Variants in FARS2 observed in about 807,000 individuals in gnomAD.
FARS2 encodes the protein phenylalanyl-tRNA synthetase 2, mitochondrial, also known as phenylalanine--tRNA ligase, mitochondrial.
A neutral mutation model predicts 46.4 loss-of-function variants in FARS2; 40 were observed. The ratio of observed to expected loss-of-function variants is 0.86; its 90% CI spans 0.67 to 1.12. FARS2 has a LOEUF of 1.12. Ranked by LOEUF, FARS2 falls within the 50% of genes most tolerant of loss-of-function variation. FARS2 has a pLI of 0.00. For missense variants in FARS2, 513 were observed against 567.9 expected, an observed-to-expected ratio of 0.90 and a Z score of 0.98; for synonymous variants, 234 against 214.9, an observed-to-expected ratio of 1.09 and a Z score of -0.78.
At position 5,758,596 on chromosome 6, in the gene FARS2, GCTT is replaced by G. The variant is rs368480363; in HGVS notation, c.1218-12694_1218-12692del. On this transcript the variant is annotated intron_variant, in intron 6 of 6. Transcript: ENST00000274680. ...GACCTCCTCAACCAACCTGTTTTGTGCTTGTCTTGCTGCCTTTACGCTCTGCAG... is the reference window on the plus strand; with the variant it reads ...GACCTCCTCAACCAACCTGTTTTGTGGTCTTGCTGCCTTTACGCTCTGCAG... Among the ~76,000 whole-genome samples the G allele has an allele frequency of 7.4e-4, 113 of 152,244 alleles. 2 individuals carry two copies. In the East Asian group the frequency reaches 0.014, roughly 20 times the overall value.
At chr6:5,643,142 A>C (rs1315864211) in intron 6 of FARS2, among the ~76,000 whole-genome samples, 3 of 152,252 alleles carry the variant, frequency 2.0e-5, no homozygotes, top group South Asian at 2.1e-4. Context: ...TTCTAAAAAA[A>C]TTCCTGTCTC....
chr6:5,605,308 T>TA (rs34142120), intron 5 of FARS2, among the ~76,000 whole-genome samples: 1 of 151,936 alleles, frequency 6.6e-6, no homozygotes, highest in Non-Finnish European at 1.5e-5. Flanking sequence ...GGCCAGAGCA[T>TA]TACTCTGCTT....
At chr6:5,646,513 A>G (rs1034189884) in intron 6 of FARS2, among the ~76,000 whole-genome samples, 1 of 152,076 alleles carries the variant, frequency 6.6e-6, no homozygotes, top group Non-Finnish European at 1.5e-5. Flanking sequence ...TCTTGAAAAG[A>G]GGAGGGGTTT....
intron 1 of FARS2, among the ~76,000 whole-genome samples, chr6:5,357,040 C>G (rs930475664): frequency 2.0e-4 from 31 of 151,848 alleles, no homozygotes; most frequent in African/African-American, 7.5e-4. Flanking sequence ...TTCCACTCTT[C>G]TAGCAATCTT....
At position 5,414,004 on chromosome 6, in the gene FARS2, C is replaced by T. The variant is rs74718824; in HGVS notation, c.772+9303C>T. On this transcript the variant is annotated intron_variant, in intron 3 of 6. Transcript: ENST00000274680. ...TTTTGTTTCATCAGCTTTAAATATA[C>T]CCTAAATGATGTCATCTCACAATAA... 4.0e-3 allele frequency among the ~76,000 whole-genome samples: 605 copies of T among 152,222 alleles called. 4 individuals carry two copies. The highest frequency in any genetic ancestry group is 0.014 in the African/African-American group (570 of 41,534).
At chr6:5,385,664 T>C (rs2326630) in intron 2 of FARS2, among the ~76,000 whole-genome samples, 35,760 of 152,056 alleles carry the variant, frequency 0.24, 5,361 homozygotes, top group East Asian at 0.42. Flanking sequence ...GACCTCGTGG[T>C]CTGTCCGCCT....
chr6:5,266,569 G>C (rs1025773180), intron 1 of FARS2, among the ~76,000 whole-genome samples: 9 of 152,176 alleles, frequency 5.9e-5, no homozygotes, highest in African/African-American at 1.9e-4. Flanking sequence ...CACACAGCTG[G>C]AAAGTAGCTA....
At chr6:5,391,571 A>ATT (rs34075927) in intron 2 of FARS2, among the ~76,000 whole-genome samples, 37 of 149,538 alleles carry the variant, frequency 2.5e-4, no homozygotes, top group Middle Eastern at 3.5e-3. Flanking sequence ...GTCAATAGTT[A>ATT]TTTTTTTTTT....
rs1165706004 is a variant in FARS2 at position 5,582,686 on chromosome 6, A to G, written c.1066-30483A>G. ...AAGTTTGTGTGTATATACTGATGTA[A>G]AACTCTCCATGGCTCCATGGCTGGG... On this transcript the variant is annotated intron_variant, in intron 5 of 6. Transcript: ENST00000274680. Among the ~76,000 whole-genome samples, 6 of 152,360 alleles carry G rather than the reference A, an allele frequency of 3.9e-5. No homozygotes were observed. The East Asian group carries it at 1.2e-3, about 29-fold the overall frequency.
At chr6:5,744,800 A>G (rs1218908159) in intron 6 of FARS2, among the ~76,000 whole-genome samples, 2 of 152,240 alleles carry the variant, frequency 1.3e-5, no homozygotes, top group Non-Finnish European at 2.9e-5. Flanking sequence ...AGCACATTAA[A>G]TCTTTCAGTC....
rs537969501 is a variant in FARS2 at position 5,534,724 on chromosome 6, G to T, written c.905-10456G>T. On this transcript the variant is annotated intron_variant, in intron 4 of 6. Transcript: ENST00000274680. The stretch of plus-strand genomic sequence containing the variant: ...GTGAATAATGCTGTTATGAACATCG[G>T]TGTGCAAGTGTCTGAGCTCCTTTAC... Among the ~76,000 whole-genome samples, 121 of 152,076 alleles carry T rather than the reference G, an allele frequency of 8.0e-4. 2 individuals carry two copies. In the South Asian group the frequency reaches 0.023, roughly 29 times the overall value.
chr6:5,606,537 T>G (rs1486680463), intron 5 of FARS2, among the ~76,000 whole-genome samples: 1 of 151,758 alleles, frequency 6.6e-6, no homozygotes, highest in Non-Finnish European at 1.5e-5. Flanking sequence ...AGAGCAGAAG[T>G]GAAAAAGAAG....
intron 4 of FARS2, among the ~76,000 whole-genome samples, chr6:5,435,284 C>T (rs1288793307): frequency 6.6e-6 from 1 of 152,184 alleles, no homozygotes; most frequent in Non-Finnish European, 1.5e-5. Flanking sequence ...TTTATTTGTT[C>T]TGTAGTTACC....
At chr6:5,688,679 C>G (rs1188208590) in intron 6 of FARS2, among the ~76,000 whole-genome samples, 1 of 152,190 alleles carries the variant, frequency 6.6e-6, no homozygotes, top group Non-Finnish European at 1.5e-5. Context: ...TGTTGTGTCT[C>G]TGCCAGGCTT....
At chr6:5,539,377 T>G (rs1158297445) in intron 4 of FARS2, among the ~76,000 whole-genome samples, 1 of 96,012 alleles carries the variant, frequency 1.0e-5, no homozygotes, top group African/African-American at 3.8e-5. Flanking sequence ...CACCTAATTT[T>G]TTTTGTGTAT....
chr6:5,584,138 C>CACACACACAT, intron 5 of FARS2, among the ~76,000 whole-genome samples: 1 of 151,514 alleles, frequency 6.6e-6, no homozygotes, highest in African/African-American at 2.4e-5. Flanking sequence ...CACACACACA[C>CACACACACAT]ACACTCCTTG....
intron 1 of FARS2, among the ~76,000 whole-genome samples, chr6:5,346,050 G>A (rs767099404): frequency 6.6e-6 from 1 of 152,160 alleles, no homozygotes; most frequent in Non-Finnish European, 1.5e-5. Flanking sequence ...CTCACTGGCC[G>A]GGGCGTCCTG....
At chr6:5,500,025 T>C (rs1477593071) in intron 4 of FARS2, among the ~76,000 whole-genome samples, 5 of 152,196 alleles carry the variant, frequency 3.3e-5, no homozygotes, top group Admixed American at 6.5e-5. Context: ...CAAGCTGAGG[T>C]AGCAATTCTA....
chr6:5,696,317 A>T (rs969517291), intron 6 of FARS2, among the ~76,000 whole-genome samples: 2 of 152,220 alleles, frequency 1.3e-5, no homozygotes, highest in Non-Finnish European at 2.9e-5. Flanking sequence ...ACTAGTAGCC[A>T]TTATTATTTT....
Sources: gnomAD v4.1 joint callset for allele counts (sites outside exome capture counted in the v4.1 genomes callset) on GRCh38, gnomAD v4.1.1 for gene constraint, MANE v1.5 for transcripts, NCBI Gene and HGNC (gene_info 2026-07-23, HGNC 2026-07-21) for gene names.